ASTN2: variants seen among roughly 807,000 people sequenced by gnomAD.
ASTN2 encodes the protein astrotactin-2.
ASTN2 carries 54 observed loss-of-function variants against 139.8 expected under a neutral mutation model. The ratio of observed to expected loss-of-function variants is 0.39; its 90% CI spans 0.31 to 0.48. ASTN2 has a LOEUF of 0.48. Ranked by LOEUF, ASTN2 falls within the 20% of genes least tolerant of loss-of-function variation. The pLI is 0.95. For missense variants in ASTN2, 1,565 were observed against 1,725.1 expected (o/e 0.91, Z 1.64); for synonymous variants, 756 against 719.5 (o/e 1.05, Z -0.81).
chr9:117,298,773 C>G (rs77805996), intron 1 of ASTN2, among the ~76,000 whole-genome samples: 1,793 of 145,356 alleles, frequency 0.012, 15 homozygotes, highest in South Asian at 0.033. Flanking sequence ...AGCTGACTTC[C>G]CTTATTGGAT....
chr9:117,375,212 T>A (rs1236322499), intron 1 of ASTN2, among the ~76,000 whole-genome samples: 1 of 152,200 alleles, frequency 6.6e-6, no homozygotes, highest in Admixed American at 6.5e-5. Context: ...TGGAGGGAAA[T>A]GTCTGGGCCA....
At chr9:117,099,674 G>T (rs1333310460) in intron 4 of ASTN2, among the ~76,000 whole-genome samples, 2 of 152,192 alleles carry the variant, frequency 1.3e-5, no homozygotes, top group African/African-American at 4.8e-5. Flanking sequence ...GAAAATGAAG[G>T]CACGTAGAAA....
In ASTN2 at chr9:116,424,140, C is replaced by T. The variant is rs989896739; in HGVS notation, c.*1711G>A. ...AACATCTCTTCATACTCATTACCCT[C>T]CCAGGGAAGGGTACACTGGAAGCAG... On this transcript the variant is annotated 3_prime_UTR_variant, in exon 23 of 23. Coordinates refer to ENST00000313400, the MANE Select transcript of ASTN2 (RefSeq NM_001365068.1). Among the ~76,000 whole-genome samples the T allele has an allele frequency of 2.6e-5, 4 of 152,100 alleles. No homozygotes were observed. The highest frequency in any genetic ancestry group is 9.7e-5 in the African/African-American group (4 of 41,412).
At chr9:117,150,095 T>A (rs1830293441) in intron 3 of ASTN2, among the ~76,000 whole-genome samples, 1 of 152,182 alleles carries the variant, frequency 6.6e-6, no homozygotes, top group African/African-American at 2.4e-5. Flanking sequence ...TGAGTTTGAA[T>A]GATGGAATTA....
intron 5 of ASTN2, among the ~76,000 whole-genome samples, chr9:117,071,037 G>A (rs1417111687): frequency 6.7e-6 from 1 of 149,086 alleles, no homozygotes; most frequent in East Asian, 2.0e-4. Flanking sequence ...ATCCAGCTTT[G>A]TTCTGTTGCT....
At chr9:116,472,928 G>GGA (rs1848861182) in intron 20 of ASTN2, among the ~76,000 whole-genome samples, 2 of 130,838 alleles carry the variant, frequency 1.5e-5, no homozygotes, top group Non-Finnish European at 3.1e-5. Flanking sequence ...CTCTGTCTTG[G>GGA]AAAAAAAAAA....
At chr9:116,911,871 C>T (rs1257431328) in intron 10 of ASTN2, among the ~76,000 whole-genome samples, 1 of 152,052 alleles carries the variant, frequency 6.6e-6, no homozygotes, top group African/African-American at 2.4e-5. Context: ...CCAGCCTGGG[C>T]AGCAGAGGGA....
intron 11 of ASTN2, among the ~76,000 whole-genome samples, chr9:116,860,050 T>G (rs1832837231): frequency 6.6e-6 from 1 of 152,094 alleles, no homozygotes; most frequent in Admixed American, 6.5e-5. Context: ...CAGGTGGGAA[T>G]GGAGAGGAAG....
intron 19 of ASTN2, among the ~76,000 whole-genome samples, chr9:116,575,598 T>C (rs897284912): frequency 6.6e-6 from 1 of 152,106 alleles, no homozygotes; most frequent in South Asian, 2.1e-4. Context: ...GGTCTTGGGG[T>C]CCTAGGCTAA....
At chr9:117,291,196 G>A in intron 2 of ASTN2, 130 bp downstream of exon 2, 1 of 1,198,080 alleles carries the variant, frequency 8.3e-7, no homozygotes, top group Non-Finnish European at 1.2e-6. Flanking sequence ...CTGATTTTCT[G>A]TTTCTCATTC....
chr9:116,747,189 CACA>C (rs1829264563), intron 13 of ASTN2, among the ~76,000 whole-genome samples: 1 of 152,202 alleles, frequency 6.6e-6, no homozygotes, highest in African/African-American at 2.4e-5. Flanking sequence ...ATTTCACATG[CACA>C]ACAACCATGC....
At chr9:116,616,641 G>A (rs1456022878) in intron 19 of ASTN2, among the ~76,000 whole-genome samples, 4 of 152,052 alleles carry the variant, frequency 2.6e-5, no homozygotes, top group Non-Finnish European at 5.9e-5. Flanking sequence ...TGAGAAGAAC[G>A]GCACCCTATG....
rs1356649006 is a variant in ASTN2, at chr9:117,291,470, T to C, written c.486A>G (p.Arg162=). 1.9e-6 allele frequency: 3 copies of C among 1,613,550 alleles called. No homozygotes were observed. Among genetic ancestry groups the C allele is most frequent in the South Asian group, 2.2e-5 (2 of 90,964 alleles). The stretch of plus-strand genomic sequence containing the variant: ...AGGTGCCATTCTCCAGCCACTGCTG[T>C]CTCCAGTGCACCAGCGAGATGTCCG... ...TAADISLVHW[R]QQWLENGTLY... Residue 162 remains arginine, a synonymous_variant, in exon 2 of 23, where the codon AGA becomes AGG. Coordinates refer to ENST00000313400, the MANE Select transcript of ASTN2 (RefSeq NM_001365068.1).
chr9:117,179,338 T>C (rs373885637), intron 3 of ASTN2, among the ~76,000 whole-genome samples: 3 of 152,268 alleles, frequency 2.0e-5, no homozygotes, highest in East Asian at 3.9e-4. Flanking sequence ...TGTGGGGATA[T>C]ATATGTGTGT....
intron 5 of ASTN2, among the ~76,000 whole-genome samples, chr9:117,092,577 C>G (rs1422955844): frequency 6.6e-6 from 1 of 152,204 alleles, no homozygotes; most frequent in Admixed American, 6.5e-5. Context: ...GAAAACACAG[C>G]TCAGCTCCTA....
chr9:116,766,080 C>G (rs184486777), intron 13 of ASTN2, among the ~76,000 whole-genome samples: 1 of 152,064 alleles, frequency 6.6e-6, no homozygotes, highest in East Asian at 1.9e-4. Context: ...TAAAAGAGAG[C>G]CTAAAACATG....
intron 13 of ASTN2, among the ~76,000 whole-genome samples, chr9:116,747,275 A>G (rs988351366): frequency 4.6e-5 from 7 of 152,236 alleles, no homozygotes; most frequent in African/African-American, 1.7e-4. Flanking sequence ...CACAGAACTT[A>G]TAAGGTGAGG....
In ASTN2 at chr9:116,813,015, GT is replaced by G. The variant is rs977848929; in HGVS notation, c.2208-7196del. 7.1e-4 allele frequency among the ~76,000 whole-genome samples: 108 copies of G among 151,830 alleles called. 2 individuals are homozygous for G. The highest frequency in any genetic ancestry group is 3.9e-4 in the Admixed American group (6 of 15,226). The stretch of plus-strand genomic sequence containing the variant: ...ATGCTAAGGTCTATTTAGTTGTTGG[GT>G]TTTTTTTAAATTTTATTTTTGTACT... On this transcript the variant is annotated intron_variant, in intron 12 of 22. Transcript: ENST00000313400.
At chr9:117,383,645 GT>G (rs1377492586) in intron 1 of ASTN2, among the ~76,000 whole-genome samples, 1 of 152,024 alleles carries the variant, frequency 6.6e-6, no homozygotes, top group African/African-American at 2.4e-5. Flanking sequence ...GCGAGTAGAG[GT>G]AAAATTCAAT....
Sources: gnomAD v4.1 joint callset for allele counts (sites outside exome capture counted in the v4.1 genomes callset) on GRCh38, gnomAD v4.1.1 for gene constraint, MANE v1.5 for transcripts, NCBI Gene and HGNC (gene_info 2026-07-23, HGNC 2026-07-21) for gene names.